CNTNAP2: variants seen among roughly 807,000 people sequenced by gnomAD.
The protein encoded by CNTNAP2 is contactin associated protein 2, also known as contactin-associated protein-like 2.
In CNTNAP2, 98 loss-of-function variants were observed where a neutral mutation model predicts 155.2. That is an observed-to-expected ratio of 0.63 (90% CI 0.54 to 0.75). The LOEUF is 0.75. Among genes scored for constraint, CNTNAP2 ranks in the 30% least tolerant of loss-of-function variants. The pLI is 0.00. For synonymous variants in CNTNAP2, 651 were observed against 631.2 expected (o/e 1.03, Z -0.47); for missense variants, 1,727 against 1,688.1 (o/e 1.02, Z -0.40).
intron 13 of CNTNAP2, among the ~76,000 whole-genome samples, chr7:147,851,781 G>A (rs1356262824): frequency 5.3e-5 from 8 of 150,370 alleles, no homozygotes; most frequent in Non-Finnish European, 1.2e-4. Flanking sequence ...GAGGGGGGAA[G>A]GATAGCATTA....
At chr7:146,394,277 G>A (rs1422288316) in intron 1 of CNTNAP2, among the ~76,000 whole-genome samples, 1 of 152,118 alleles carries the variant, frequency 6.6e-6, no homozygotes, top group African/African-American at 2.4e-5. Flanking sequence ...AGGAGCGCTA[G>A]GGGAGAGGTG....
At chr7:146,665,794 A>AAAAAAAAAAAAAAC (rs1800182777) in intron 1 of CNTNAP2, among the ~76,000 whole-genome samples, 2 of 148,332 alleles carry the variant, frequency 1.3e-5, no homozygotes, top group Non-Finnish European at 3.0e-5. Context: ...AAAAAAAAAA[A>AAAAAAAAAAAAAAC]AAAATACATT....
chr7:146,606,740 A>G (rs1455915484), intron 1 of CNTNAP2, among the ~76,000 whole-genome samples: 1 of 152,192 alleles, frequency 6.6e-6, no homozygotes, highest in Non-Finnish European at 1.5e-5. Flanking sequence ...TCAGTACTTG[A>G]AATTATCATT....
intron 16 of CNTNAP2, among the ~76,000 whole-genome samples, chr7:148,134,484 G>T (rs1268067257): frequency 6.6e-6 from 1 of 151,986 alleles, no homozygotes; most frequent in Non-Finnish European, 1.5e-5. Flanking sequence ...CAGGAAAAAA[G>T]AACTTATATC....
intron 15 of CNTNAP2, among the ~76,000 whole-genome samples, chr7:148,114,601 T>TA (rs1236998282): frequency 3.9e-5 from 6 of 152,210 alleles, no homozygotes; most frequent in East Asian, 1.9e-4. Flanking sequence ...CTTGTTATAA[T>TA]AAAAAAATCC....
chr7:146,758,643 C>T (rs1802033262), intron 1 of CNTNAP2, among the ~76,000 whole-genome samples: 1 of 152,128 alleles, frequency 6.6e-6, no homozygotes, highest in Non-Finnish European at 1.5e-5. Context: ...CTTTCTAAAA[C>T]CATCAGATCT....
At chr7:148,263,035 T>C (rs931304045) in intron 20 of CNTNAP2, 1 of 152,262 alleles carries the variant, frequency 6.6e-6, no homozygotes, top group African/African-American at 2.4e-5. Context: ...ACAGCCCGCC[T>C]TCTTAGACAC....
chr7:146,743,364 T>C (rs1801752569), intron 1 of CNTNAP2, among the ~76,000 whole-genome samples: 2 of 152,280 alleles, frequency 1.3e-5, no homozygotes, highest in East Asian at 1.9e-4. Context: ...ATGCCTTTTT[T>C]CCTGAGGTTG....
chr7:146,810,276 G>A lies in CNTNAP2; in HGVS notation c.209-29435G>A, dbSNP rs2727629. Among the ~76,000 whole-genome samples the A allele has an allele frequency of 1.8e-3, 274 of 149,590 alleles. 2 individuals are homozygous for A. The South Asian group carries it at 0.023, about 13-fold the overall frequency. On this transcript the variant is annotated intron_variant, in intron 2 of 23. Transcript: ENST00000361727. ...AGTTTTATAACATAGTTTGAAATTC[G>A]GAAGTGTGGTTCCTCTAGCTTTCTT...
intron 13 of CNTNAP2, among the ~76,000 whole-genome samples, chr7:147,761,936 A>G (rs891327714): frequency 6.6e-6 from 1 of 152,124 alleles, no homozygotes; most frequent in Non-Finnish European, 1.5e-5. Context: ...AAAAAAATAC[A>G]TGCATGTTAA....
chr7:147,906,224 C>T (rs151163385), intron 14 of CNTNAP2, among the ~76,000 whole-genome samples: 37 of 152,224 alleles, frequency 2.4e-4, no homozygotes, highest in African/African-American at 8.9e-4. Context: ...TGGGGTCTCA[C>T]TCTGTCACCC....
At chr7:147,718,224 T>C (rs1479917728) in intron 13 of CNTNAP2, among the ~76,000 whole-genome samples, 3 of 152,100 alleles carry the variant, frequency 2.0e-5, no homozygotes, top group African/African-American at 7.2e-5. Flanking sequence ...ATACCTTTCA[T>C]ATATAGGTAT....
intron 1 of CNTNAP2, among the ~76,000 whole-genome samples, chr7:146,622,653 A>G (rs760592145): frequency 2.0e-5 from 3 of 152,022 alleles, no homozygotes; most frequent in Non-Finnish European, 4.4e-5. Context: ...TCCCACCCCA[A>G]TAGTAATAAA....
intron 3 of CNTNAP2, among the ~76,000 whole-genome samples, chr7:146,991,809 T>C (rs1798213024): frequency 6.6e-6 from 1 of 152,184 alleles, no homozygotes; most frequent in Non-Finnish European, 1.5e-5. Flanking sequence ...CGTGTTGTTA[T>C]GGTGATTTGT....
intron 14 of CNTNAP2, among the ~76,000 whole-genome samples, chr7:147,960,838 C>CTA: frequency 6.6e-6 from 1 of 151,956 alleles, no homozygotes; most frequent in Non-Finnish European, 1.5e-5. Context: ...TTCTCTCTCT[C>CTA]TGTCTCTCTC....
intron 1 of CNTNAP2, among the ~76,000 whole-genome samples, chr7:146,522,757 A>G (rs983484304): frequency 6.7e-6 from 1 of 149,808 alleles, no homozygotes; most frequent in Non-Finnish European, 1.5e-5. Context: ...TATTATTAAT[A>G]TATAATAATA....
intron 3 of CNTNAP2, among the ~76,000 whole-genome samples, chr7:146,875,594 TGGGATAGCAGGAGCCTACATTTGAA>T (rs1328394837): frequency 2.6e-5 from 4 of 151,948 alleles, no homozygotes; most frequent in Non-Finnish European, 1.5e-5. Flanking sequence ...CCAGCTTCTG[TGGGATAGCAGGAGCCTACATTTGAA>T]GGATGCTTTG....
intron 12 of CNTNAP2, among the ~76,000 whole-genome samples, chr7:147,599,370 C>G (rs1285257332): frequency 6.6e-6 from 1 of 151,366 alleles, no homozygotes; most frequent in Non-Finnish European, 1.5e-5. Context: ...GTAATCCCAG[C>G]TACTCGGGAG....
chr7:146,933,693 A>T (rs938056810), intron 3 of CNTNAP2, among the ~76,000 whole-genome samples: 2 of 150,292 alleles, frequency 1.3e-5, no homozygotes, highest in African/African-American at 4.9e-5. Flanking sequence ...TACTCATCTG[A>T]CAAAGGGCTA....
Sources: gnomAD v4.1 joint callset for allele counts (sites outside exome capture counted in the v4.1 genomes callset) on GRCh38, gnomAD v4.1.1 for gene constraint, MANE v1.5 for transcripts, NCBI Gene and HGNC (gene_info 2026-07-23, HGNC 2026-07-21) for gene names.